Variants in GNAO1 observed in about 807,000 individuals in gnomAD.
GNAO1 encodes G protein subunit alpha o1.
For synonymous variants in GNAO1, 164 were observed against 180.7 expected (o/e 0.91, Z 0.74); for missense variants, 166 against 478.7 (o/e 0.35, Z 6.10).
chr16:56,304,564 C>T (rs2037375862), intron 3 of GNAO1, among the ~76,000 whole-genome samples: 1 of 152,298 alleles, frequency 6.6e-6, no homozygotes, highest in East Asian at 1.9e-4. Flanking sequence ...CCCATAATTA[C>T]ACAATTAGGC....
rs2037948173 is a variant in GNAO1, at chr16:56,354,150, T to C, written c.878-716T>C. Among the ~76,000 whole-genome samples, 8 of 152,358 alleles carry C rather than the reference T, an allele frequency of 5.3e-5. No homozygotes were observed. The South Asian group carries it at 1.5e-3, about 28-fold the overall frequency. ...GCAGGCCCCTCTCCAGACTTTGTTT[T>C]CATGGTTTACTGGAATCAGCAGGAT... On this transcript the variant is annotated intron_variant, in intron 7 of 8. Transcript: ENST00000262493. The surrounding 1 kb of genome is among the most constrained non-coding windows in gnomAD (Gnocchi z 4.3).
chr16:56,327,942 A>G (rs569739274), intron 3 of GNAO1, among the ~76,000 whole-genome samples: 8 of 152,324 alleles, frequency 5.3e-5, no homozygotes, highest in Non-Finnish European at 7.3e-5. Flanking sequence ...AGAAAAATTA[A>G]TAAAATGGAC....
intron 3 of GNAO1, among the ~76,000 whole-genome samples, chr16:56,318,353 T>C (rs2037535170): frequency 1.3e-5 from 2 of 152,238 alleles, no homozygotes; most frequent in African/African-American, 4.8e-5. Context: ...GGCTGGGGTC[T>C]CTCTGCCCCT....
At chr16:56,267,339 C>A (rs1460818845) in intron 2 of GNAO1, among the ~76,000 whole-genome samples, 1 of 152,304 alleles carries the variant, frequency 6.6e-6, no homozygotes, top group East Asian at 1.9e-4. Flanking sequence ...GGAAGCCTCC[C>A]TCAGGAGGGA....
At chr16:56,272,980 C>G (rs2037031602) in intron 2 of GNAO1, among the ~76,000 whole-genome samples, 1 of 152,190 alleles carries the variant, frequency 6.6e-6, no homozygotes, top group Admixed American at 6.5e-5. Flanking sequence ...GGGTCCCACC[C>G]TCTTAGGGGA....
chr16:56,249,476 A>G (rs990108553), intron 2 of GNAO1, among the ~76,000 whole-genome samples: 1 of 152,060 alleles, frequency 6.6e-6, no homozygotes. Flanking sequence ...AGGGGAGAGG[A>G]GTGCTGGGGA....
Position 56,191,836 on chromosome 16 carries a change from GC to G in GNAO1, c.-394del. The G allele has an allele frequency of 1.6e-5, 3 of 184,180 alleles. No homozygotes were observed. The highest frequency in any genetic ancestry group is 1.8e-4 in the South Asian group (2 of 11,130). The allele number at this position is 184,180 out of a possible 1,614,324, so 11.4% of individuals were successfully genotyped here. A position where few individuals can be genotyped will look rare whatever the true frequency, so the allele number is the denominator to read the frequency against. On this transcript the variant is annotated 5_prime_UTR_variant, in exon 1 of 9. Transcript: ENST00000262493. This position sits in a 1 kb window ranked among gnomAD's most constrained non-coding sequence, Gnocchi z 4.7. ...CAGCCGCGGCAGCAGGACCCACCCT[GC>G]CCCCCACCCCACCCTCTGTCGGCTC...
chr16:56,322,840 T>C (rs1401182807), intron 3 of GNAO1, among the ~76,000 whole-genome samples: 1 of 151,974 alleles, frequency 6.6e-6, no homozygotes, highest in African/African-American at 2.4e-5. Context: ...ATAGATAGGA[T>C]TGAGTGAGAA....
intron 2 of GNAO1, among the ~76,000 whole-genome samples, chr16:56,223,182 T>A (rs1214358375): frequency 6.6e-6 from 1 of 152,132 alleles, no homozygotes; most frequent in Non-Finnish European, 1.5e-5. Context: ...GGGGGGAGAA[T>A]CCATTCCTTG....
chr16:56,300,043 G>GCACGCGCGCGCGCA, intron 3 of GNAO1, among the ~76,000 whole-genome samples: 1 of 92,198 alleles, frequency 1.1e-5, no homozygotes, highest in African/African-American at 4.6e-5. Flanking sequence ...GTGTGCGCGC[G>GCACGCGCGCGCGCA]CGCGCGCGCA....
chr16:56,213,521 G>A (rs1184943633), intron 2 of GNAO1: 1 of 391,460 alleles, frequency 2.6e-6, no homozygotes, highest in African/African-American at 2.1e-5. Context: ...TTCTGAGATG[G>A]GATGGCGGAG....
At chr16:56,210,420 G>A (rs1336211373) in intron 2 of GNAO1, among the ~76,000 whole-genome samples, 2 of 152,128 alleles carry the variant, frequency 1.3e-5, no homozygotes, top group Non-Finnish European at 1.5e-5. Flanking sequence ...AAATCCTTTG[G>A]GTAAATACCA....
chr16:56,208,918 C>A (rs1319260789), intron 2 of GNAO1, among the ~76,000 whole-genome samples: 1 of 151,978 alleles, frequency 6.6e-6, no homozygotes, highest in Non-Finnish European at 1.5e-5. Flanking sequence ...TATTACCTCC[C>A]ATTCCCTGGC....
At chr16:56,247,707 G>A (rs546314486) in intron 2 of GNAO1, among the ~76,000 whole-genome samples, 5 of 152,248 alleles carry the variant, frequency 3.3e-5, no homozygotes, top group Admixed American at 1.3e-4. Context: ...CTTGTCTCCC[G>A]AGGGAGAAGG....
chr16:56,351,767 G>T lies in GNAO1; in HGVS notation c.877+230G>T. The T allele has an allele frequency of 1.9e-6, 1 of 513,960 alleles. No individual in the cohort carries two copies. Among genetic ancestry groups the T allele is most frequent in the Non-Finnish European group, 3.5e-6 (1 of 285,482 alleles). The allele number at this position is 513,960 out of a possible 1,614,324, so 31.8% of individuals were successfully genotyped here. A position where few individuals can be genotyped will look rare whatever the true frequency, so the allele number is the denominator to read the frequency against. ...GCCCCTCCTAAGATATATGTGTTAG[G>T]ACCAAGTGACTCAGGAGTGGTGGGG... On this transcript the variant is annotated intron_variant, in intron 7 of 8. Coordinates refer to ENST00000262493, the MANE Select transcript of GNAO1 (RefSeq NM_020988.3). This position sits in a 1 kb window ranked among gnomAD's most constrained non-coding sequence, Gnocchi z 6.1.
intron 2 of GNAO1, chr16:56,194,341 C>T (rs767282878): frequency 4.9e-5 from 22 of 444,760 alleles, no homozygotes; most frequent in Admixed American, 9.6e-5. Context: ...CCTTGCAGAT[C>T]TGTAAATGCA....
At chr16:56,297,521 T>TGG (rs1420650841) in intron 3 of GNAO1, among the ~76,000 whole-genome samples, 2 of 109,820 alleles carry the variant, frequency 1.8e-5, no homozygotes, top group African/African-American at 6.7e-5. Flanking sequence ...TTTGTCTAAC[T>TGG]GGTGTGTGTG....
At chr16:56,284,838 G>A (rs1178214136) in intron 3 of GNAO1, among the ~76,000 whole-genome samples, 1 of 152,226 alleles carries the variant, frequency 6.6e-6, no homozygotes, top group Non-Finnish European at 1.5e-5. Context: ...CTGAACAGAT[G>A]TGTCCAGGGA....
At chr16:56,250,603 A>G (rs1258696943) in intron 2 of GNAO1, among the ~76,000 whole-genome samples, 2 of 152,206 alleles carry the variant, frequency 1.3e-5, no homozygotes, top group Non-Finnish European at 2.9e-5. Context: ...TTTCAGGTAC[A>G]AATGGCAGAA....
Sources: allele counts gnomAD v4.1 joint callset (sites outside exome capture counted in the v4.1 genomes callset), GRCh38; gene constraint gnomAD v4.1.1; non-coding constraint Gnocchi (gnomAD v3.1); transcripts MANE v1.5; gene names NCBI Gene and HGNC (gene_info 2026-07-23, HGNC 2026-07-21).